Variants in ANKS1A observed in about 807,000 individuals in gnomAD.
The protein encoded by ANKS1A is ankyrin repeat and sterile alpha motif domain containing 1A.
In ANKS1A, 55 loss-of-function variants were observed where a neutral mutation model predicts 120.3. The ratio of observed to expected loss-of-function variants is 0.46; its 90% confidence interval spans 0.37 to 0.57. ANKS1A has a LOEUF of 0.57. ANKS1A is among the 20% of genes least tolerant of loss of function. The pLI, the probability that ANKS1A is intolerant of heterozygous loss-of-function variation, is 0.00. For synonymous variants in ANKS1A, 590 were observed against 604.7 expected, an observed-to-expected ratio of 0.98 and a Z score of 0.36; for missense variants, 1,123 against 1,480.3, an observed-to-expected ratio of 0.76 and a Z score of 3.96.
chr6:35,085,600 A>G lies in ANKS1A; in HGVS notation c.3133-166A>G, dbSNP rs1278739265. ...TCCTGTGTAGAGCGGGAAGAACAAC[A>G]GAGACCTAGGAAGAGTAAAGGAGGG... On this transcript the variant is annotated intron_variant, in intron 21 of 23. Transcript: ENST00000360359. The surrounding 1 kb of genome is among the most constrained non-coding windows in gnomAD (Gnocchi z 4.7). Among the ~76,000 whole-genome samples, 1 of 124,978 alleles carries G rather than the reference A, an allele frequency of 8.0e-6. No individual in the cohort carries two copies. The highest frequency in any genetic ancestry group is 1.9e-5 in the Non-Finnish European group (1 of 51,754). The allele number at this position is 124,978 out of a possible 152,430, so 82.0% of individuals were successfully genotyped here. A position where few individuals can be genotyped will look rare whatever the true frequency, so the allele number is the denominator to read the frequency against.
At chr6:34,981,574 C>A in intron 3 of ANKS1A, 116 bp from the exon 4 acceptor site, 1 of 1,138,294 alleles carries the variant, frequency 8.8e-7, no homozygotes, top group Non-Finnish European at 1.2e-6. Context: ...TATTAGCCCC[C>A]AAGTGTTGCT....
intron 1 of ANKS1A, among the ~76,000 whole-genome samples, chr6:34,893,075 A>G (rs1292964421): frequency 3.9e-5 from 6 of 152,158 alleles, no homozygotes; most frequent in Non-Finnish European, 1.5e-5. Context: ...ACCACTGACT[A>G]GCTGCTTGAC....
chr6:35,063,397 T>C (rs1405853155), intron 13 of ANKS1A, among the ~76,000 whole-genome samples: 1 of 152,262 alleles, frequency 6.6e-6, no homozygotes, highest in African/African-American at 2.4e-5. Context: ...GCAGGTCTGA[T>C]GCCCTTCACT....
intron 10 of ANKS1A, among the ~76,000 whole-genome samples, chr6:35,012,416 TCTC>T (rs1238737298): frequency 1.3e-5 from 2 of 152,236 alleles, no homozygotes; most frequent in African/African-American, 4.8e-5. Context: ...ACTTGGGAGT[TCTC>T]CTGCACACCC....
chr6:35,096,330 A>G (rs1019232589), downstream of ANKS1A, among the ~76,000 whole-genome samples: 13 of 152,306 alleles, frequency 8.5e-5, no homozygotes, highest in African/African-American at 2.9e-4. Context: ...CTTTCTGGAA[A>G]GTCCTTTCTG....
At chr6:35,095,126 G>A (rs1226403004), downstream of ANKS1A, among the ~76,000 whole-genome samples, 1 of 129,100 alleles carries the variant, frequency 7.7e-6, no homozygotes, top group Non-Finnish European at 1.6e-5. Flanking sequence ...GGGCAACAGA[G>A]TGAGACCCCC....
chr6:34,924,056 T>A (rs1768575325), intron 1 of ANKS1A, among the ~76,000 whole-genome samples: 1 of 151,988 alleles, frequency 6.6e-6, no homozygotes, highest in South Asian at 2.1e-4. Context: ...TCCCAGGATC[T>A]ATTGCACTTG....
chr6:35,077,666 C>T (rs1484865048), intron 13 of ANKS1A, among the ~76,000 whole-genome samples: 2 of 152,192 alleles, frequency 1.3e-5, no homozygotes, highest in Non-Finnish European at 2.9e-5. Flanking sequence ...TAGAGACGTC[C>T]TCGCAGGGGC....
rs560693227 is a variant in ANKS1A at position 35,088,176 on chromosome 6, G to A, written c.3402-430G>A. On this transcript the variant is annotated intron_variant, in intron 23 of 23. Transcript: ENST00000360359. ...CAGCCTCCTGACTCCTCCGAAAGGA[G>A]AGGCCGTCCCATCGCAGCAGCTCAG... Among the ~76,000 whole-genome samples, 183 of 152,346 alleles carry A rather than the reference G, an allele frequency of 1.2e-3. 1 individual carries two copies. Among genetic ancestry groups the A allele is most frequent in the African/African-American group, 4.3e-3 (177 of 41,580 alleles).
chr6:34,946,355 A>G (rs1769796460), intron 1 of ANKS1A, among the ~76,000 whole-genome samples: 1 of 151,752 alleles, frequency 6.6e-6, no homozygotes, highest in Admixed American at 6.6e-5. Context: ...TGGGAGGCCG[A>G]GGCGGGCAGA....
intron 14 of ANKS1A, 82 bp from the exon 15 acceptor site, chr6:35,079,434 T>G: frequency 2.2e-5 from 34 of 1,559,680 alleles, no homozygotes; most frequent in Non-Finnish European, 2.8e-5. Flanking sequence ...ACAGTCTGTG[T>G]GAGCTGGCTG....
chr6:35,072,234 C>T (rs1296815868), intron 13 of ANKS1A, among the ~76,000 whole-genome samples: 1 of 152,254 alleles, frequency 6.6e-6, no homozygotes, highest in African/African-American at 2.4e-5. Flanking sequence ...TGCCGCTTCT[C>T]CTGCCTCCTG....
At chr6:34,999,175 A>G (rs1042217955) in intron 10 of ANKS1A, among the ~76,000 whole-genome samples, 2 of 152,314 alleles carry the variant, frequency 1.3e-5, no homozygotes, top group South Asian at 4.1e-4. Flanking sequence ...GTGTGCCTTT[A>G]TCGGCACTTT....
rs192613969 is a variant in ANKS1A at position 34,893,362 on chromosome 6, C to T, written c.197+3763C>T. On this transcript the variant is annotated intron_variant, in intron 1 of 23. Transcript: ENST00000360359. The stretch of plus-strand genomic sequence containing the variant: ...ATGTTGCCCAGGCTAGTCTCAAACT[C>T]CTGGGCTCAAACGATCTTCCTGCCT... Among the ~76,000 whole-genome samples, 683 of 152,238 alleles carry T rather than the reference C, an allele frequency of 4.5e-3. 6 individuals are homozygous for T. Among genetic ancestry groups the T allele is most frequent in the Middle Eastern group, 0.027 (8 of 294 alleles).
intron 11 of ANKS1A, among the ~76,000 whole-genome samples, chr6:35,035,203 C>G (rs890935503): frequency 1.3e-5 from 2 of 152,148 alleles, no homozygotes; most frequent in African/African-American, 4.8e-5. Context: ...GTGCTGGGTG[C>G]AGGGGGTAGA....
In ANKS1A at chr6:34,943,221, C is replaced by G. The variant is rs564721128; in HGVS notation, c.198-24018C>G. Among the ~76,000 whole-genome samples the G allele has an allele frequency of 4.6e-5, 7 of 152,294 alleles. No homozygotes were observed. The East Asian group carries it at 1.3e-3, about 29-fold the overall frequency. Reference sequence around the variant, plus strand: ...CATTCTGCCTTGGCCTCCCAAAGTGCTGGGATTACAGGTGTGAACCACTGC... The same window carrying G: ...CATTCTGCCTTGGCCTCCCAAAGTGGTGGGATTACAGGTGTGAACCACTGC... On this transcript the variant is annotated intron_variant, in intron 1 of 23. Transcript: ENST00000360359.
chr6:35,080,019 T>C, intron 16 of ANKS1A, 91 bp downstream of exon 16: 3 of 1,414,794 alleles, frequency 2.1e-6, no homozygotes, highest in Non-Finnish European at 1.9e-6. Context: ...CAGAGACCAC[T>C]GTAGTGTAGG....
At chr6:34,895,947 G>A (rs1046608980) in intron 1 of ANKS1A, among the ~76,000 whole-genome samples, 7 of 151,574 alleles carry the variant, frequency 4.6e-5, no homozygotes, top group Non-Finnish European at 1.0e-4. Flanking sequence ...ACGTATTTTA[G>A]TAGGGACGGG....
At position 34,924,131 on chromosome 6, in the gene ANKS1A, T is replaced by TG. The variant is rs1561850542; in HGVS notation, c.197+34532_197+34533insG. Among the ~76,000 whole-genome samples the TG allele has an allele frequency of 1.7e-3, 206 of 121,388 alleles. 1 individual carries two copies. Among genetic ancestry groups the TG allele is most frequent in the African/African-American group, 6.3e-3 (195 of 31,078 alleles). 79.6% of individuals were successfully genotyped at this position (121,388 alleles called of 152,430 possible). A position where few individuals can be genotyped will look rare whatever the true frequency, so the allele number is the denominator to read the frequency against. On this transcript the variant is annotated intron_variant, in intron 1 of 23. Coordinates refer to ENST00000360359, the MANE Select transcript of ANKS1A (RefSeq NM_015245.3). ...TGTGTGTGTGTGTGTGTGTGTGTATTTTTCTTTTCCCCTGTATTTGTGGGT... is the reference window on the plus strand; with the variant it reads ...TGTGTGTGTGTGTGTGTGTGTGTATTGTTTCTTTTCCCCTGTATTTGTGGGT...
Sources: allele counts gnomAD v4.1 joint callset (sites outside exome capture counted in the v4.1 genomes callset), GRCh38; gene constraint gnomAD v4.1.1; non-coding constraint Gnocchi (gnomAD v3.1); transcripts MANE v1.5; gene names NCBI Gene and HGNC (gene_info 2026-07-23, HGNC 2026-07-21).